The following CTNND2 variants were observed in gnomAD, a reference collection of about 807,000 sequenced individuals.
The protein encoded by CTNND2 is catenin delta-2.
A neutral mutation model predicts 144.4 loss-of-function variants in CTNND2; 22 were observed. The observed-to-expected ratio is 0.15, with a 90% CI of 0.11 to 0.22. The LOEUF is 0.22. Among genes scored for constraint, CTNND2 ranks in the 10% least tolerant of loss-of-function variants. The probability of loss-of-function intolerance (pLI) is 1.00; values close to 1 mark genes in which losing one functional copy is unlikely to be tolerated. For missense variants in CTNND2, 1,353 were observed against 1,618.8 expected, an observed-to-expected ratio of 0.84 and a Z score of 2.82; for synonymous variants, 751 against 695.6, an observed-to-expected ratio of 1.08 and a Z score of -1.25.
At position 11,050,904 on chromosome 5, in the gene CTNND2, G is replaced by A. The variant is rs1272094247; in HGVS notation, c.2789-27925C>T. On this transcript the variant is annotated intron_variant, in intron 16 of 21. Coordinates refer to ENST00000304623, the MANE Select transcript of CTNND2 (RefSeq NM_001332.4). ...CTTCTGGTTGGCTCATAACATCTCC[G>A]TGCTATCAGCTTCCAATTAGGGCAC... 4.6e-5 allele frequency among the ~76,000 whole-genome samples: 7 copies of A among 152,234 alleles called. No homozygotes were observed. The South Asian group carries it at 6.2e-4, about 14-fold the overall frequency.
At chr5:11,006,650 G>C (rs1253951648) in intron 18 of CTNND2, among the ~76,000 whole-genome samples, 2 of 152,218 alleles carry the variant, frequency 1.3e-5, no homozygotes, top group Admixed American at 6.5e-5. Flanking sequence ...CCTTTCCGTG[G>C]AGGCATGAGG....
At chr5:11,439,522 T>C (rs1305412646) in intron 3 of CTNND2, among the ~76,000 whole-genome samples, 1 of 152,174 alleles carries the variant, frequency 6.6e-6, no homozygotes, top group African/African-American at 2.4e-5. Flanking sequence ...GTCGGAGTTA[T>C]AGTCCAAACC....
At chr5:11,035,706 G>A (rs1361155411) in intron 16 of CTNND2, among the ~76,000 whole-genome samples, 1 of 152,150 alleles carries the variant, frequency 6.6e-6, no homozygotes, top group Admixed American at 6.5e-5. Context: ...GTTTATCGAG[G>A]AAGAAAGTGT....
chr5:11,058,289 C>A (rs991381242), intron 16 of CTNND2, among the ~76,000 whole-genome samples: 1 of 152,194 alleles, frequency 6.6e-6, no homozygotes, highest in Admixed American at 6.5e-5. Flanking sequence ...AAAGTGATTT[C>A]CTGGGCTGGG....
At chr5:11,757,932 A>T (rs1789042276) in intron 1 of CTNND2, among the ~76,000 whole-genome samples, 1 of 152,040 alleles carries the variant, frequency 6.6e-6, no homozygotes, top group Non-Finnish European at 1.5e-5. Context: ...AATAAACAGC[A>T]TGTACAGTCT....
intron 5 of CTNND2, among the ~76,000 whole-genome samples, chr5:11,410,797 T>C (rs1561352268): frequency 1.3e-5 from 2 of 152,124 alleles, no homozygotes; most frequent in African/African-American, 2.4e-5. Flanking sequence ...CCATTTTTTT[T>C]CCTATTTTGT....
intron 18 of CTNND2, 146 bp downstream of exon 18, chr5:11,017,828 G>C: frequency 1.6e-6 from 1 of 635,422 alleles, no homozygotes; most frequent in Non-Finnish European, 2.9e-6. Flanking sequence ...GGGACACATT[G>C]CCTCTTTTCT....
intron 14 of CTNND2, among the ~76,000 whole-genome samples, chr5:11,101,923 GTT>G (rs1159257657): frequency 6.6e-6 from 1 of 151,028 alleles, no homozygotes; most frequent in African/African-American, 2.4e-5. Context: ...GTGTGTGTGT[GTT>G]TACATCTTCA....
chr5:11,147,469 A>G, intron 12 of CTNND2, among the ~76,000 whole-genome samples: 1 of 152,146 alleles, frequency 6.6e-6, no homozygotes, highest in East Asian at 1.9e-4. Flanking sequence ...AACATGGTGA[A>G]TGAAGAGCAG....
chr5:11,514,196 GA>G (rs1771928217), intron 3 of CTNND2, among the ~76,000 whole-genome samples: 1 of 86,796 alleles, frequency 1.2e-5, no homozygotes, highest in Non-Finnish European at 2.3e-5. Context: ...GAAAAGAAAA[GA>G]AAAAGAAAAA....
chr5:11,240,316 A>AAC (rs549758337), intron 9 of CTNND2, among the ~76,000 whole-genome samples: 27 of 101,892 alleles, frequency 2.6e-4, no homozygotes, highest in Non-Finnish European at 3.5e-4. Flanking sequence ...ACATACACCC[A>AAC]ACACACACAC....
chr5:11,892,658 C>T (rs377231919), intron 1 of CTNND2, among the ~76,000 whole-genome samples: 23 of 151,946 alleles, frequency 1.5e-4, no homozygotes, highest in African/African-American at 4.8e-4. Context: ...AAAATCTCTT[C>T]GGAGTTAGAC....
chr5:11,404,602 CT>C (rs555388304), intron 5 of CTNND2, among the ~76,000 whole-genome samples: 398 of 57,210 alleles, frequency 7.0e-3, no homozygotes, highest in Non-Finnish European at 0.012. Flanking sequence ...TATCTGTATT[CT>C]TTTTTTTTTT....
intron 17 of CTNND2, among the ~76,000 whole-genome samples, chr5:11,022,245 G>C (rs954263955): frequency 3.3e-5 from 5 of 152,190 alleles, no homozygotes; most frequent in South Asian, 2.1e-4. Context: ...AGATTGGAAA[G>C]TATAGGCATA....
chr5:11,833,589 T>C (rs938287696), intron 1 of CTNND2, among the ~76,000 whole-genome samples: 1 of 152,124 alleles, frequency 6.6e-6, no homozygotes, highest in Non-Finnish European at 1.5e-5. Flanking sequence ...AATGGCACGA[T>C]CTCAGCTCAC....
intron 19 of CTNND2, among the ~76,000 whole-genome samples, chr5:10,989,211 T>C (rs990935194): frequency 2.0e-5 from 3 of 152,230 alleles, no homozygotes; most frequent in African/African-American, 7.2e-5. Flanking sequence ...GCCATGCGTC[T>C]GGGTGAGGGG....
intron 9 of CTNND2, among the ~76,000 whole-genome samples, chr5:11,252,631 T>C (rs991275814): frequency 1.1e-4 from 16 of 152,220 alleles, no homozygotes; most frequent in Non-Finnish European, 2.4e-4. Context: ...TTTATAGATG[T>C]AACATTTGCA....
At chr5:11,059,021 T>C (rs924264263) in intron 16 of CTNND2, among the ~76,000 whole-genome samples, 4 of 152,218 alleles carry the variant, frequency 2.6e-5, no homozygotes, top group Non-Finnish European at 5.9e-5. Context: ...CTAGCTTGCT[T>C]TTGATTTTAC....
intron 1 of CTNND2, among the ~76,000 whole-genome samples, chr5:11,794,293 A>C (rs1207838812): frequency 2.0e-5 from 3 of 152,248 alleles, no homozygotes; most frequent in Non-Finnish European, 4.4e-5. Context: ...CATGGTAATT[A>C]TATTATTTCC....
Sources: gnomAD v4.1 joint callset for allele counts (sites outside exome capture counted in the v4.1 genomes callset) on GRCh38, gnomAD v4.1.1 for gene constraint, MANE v1.5 for transcripts, NCBI Gene and HGNC (gene_info 2026-07-23, HGNC 2026-07-21) for gene names.